Variants in MORF4L1 observed in about 807,000 individuals in gnomAD.
The protein encoded by MORF4L1 is mortality factor 4 like 1.
A neutral mutation model predicts 52.9 loss-of-function variants in MORF4L1; 4 were observed. That is an observed-to-expected ratio of 0.08 (90% CI 0.04 to 0.17). The LOEUF (loss-of-function observed/expected upper bound fraction) is 0.17. MORF4L1 is among the 10% of genes least tolerant of loss of function. The pLI is 1.00. For missense variants in MORF4L1, 214 were observed against 390.4 expected (o/e 0.55, Z 3.81); for synonymous variants, 123 against 134.8 (o/e 0.91, Z 0.61).
chr15:78,888,918 TGTA>T (rs1053814228), intron 5 of MORF4L1, among the ~76,000 whole-genome samples: 21 of 151,310 alleles, frequency 1.4e-4, no homozygotes, highest in African/African-American at 2.2e-4. Flanking sequence ...AAAACTGTAG[TGTA>T]GTATTTCATT....
At chr15:78,891,801 A>G (rs1424183397) in intron 7 of MORF4L1, 5 of 490,602 alleles carry the variant, frequency 1.0e-5, no homozygotes, top group South Asian at 7.1e-5. Context: ...CTTCATGTTC[A>G]CCTACAAGAC....
intron 2 of MORF4L1, among the ~76,000 whole-genome samples, chr15:78,879,650 T>G (rs1596240911): frequency 6.6e-6 from 1 of 152,062 alleles, no homozygotes; most frequent in East Asian, 1.9e-4. Flanking sequence ...AAATTACGAC[T>G]CATGGCCAGG....
rs1178880272 is a variant in MORF4L1, at chr15:78,883,213, A to G, written c.155+2634A>G. On this transcript the variant is annotated intron_variant, in intron 3 of 11. Transcript: ENST00000426013. ...CTAGGCGACAGAGTGAGACTCAGGAAAAAAAAAAAAAAAGCGATTGAACAC... is the reference window on the plus strand; with the variant it reads ...CTAGGCGACAGAGTGAGACTCAGGAGAAAAAAAAAAAAAGCGATTGAACAC... Among the ~76,000 whole-genome samples the G allele has an allele frequency of 6.3e-3, 32 of 5,062 alleles. No homozygotes were observed. The Admixed American group carries it at 0.064, about 10-fold the overall frequency. The allele number at this position is 5,062 out of a possible 152,430, so 3.3% of individuals were successfully genotyped here. A position where few individuals can be genotyped will look rare whatever the true frequency, so the allele number is the denominator to read the frequency against.
In MORF4L1 at chr15:78,879,429, C is replaced by G. The variant is rs567559623; in HGVS notation, c.88-1083C>G. Among the ~76,000 whole-genome samples the G allele has an allele frequency of 3.0e-3, 464 of 152,180 alleles. 1 individual carries two copies. The highest frequency in any genetic ancestry group is 0.014 in the Middle Eastern group (4 of 294). ...TAGAGACGGGGTTTCACCATGTTGA[C>G]CAGGCTGGTCTTGAACTCCTGACCT... On this transcript the variant is annotated intron_variant, in intron 2 of 11. Coordinates refer to ENST00000426013, the MANE Select transcript of MORF4L1 (RefSeq NM_006791.4).
At chr15:78,889,912 T>G (rs1338413453) in intron 5 of MORF4L1, among the ~76,000 whole-genome samples, 1 of 152,034 alleles carries the variant, frequency 6.6e-6, no homozygotes, top group Non-Finnish European at 1.5e-5. Flanking sequence ...TCCTTTGTGG[T>G]CTAGAAATAA....
chr15:78,896,884 G>A, intron 11 of MORF4L1, 99 bp from the exon 12 acceptor site: 1 of 841,366 alleles, frequency 1.2e-6, no homozygotes, highest in Non-Finnish European at 1.9e-6. Context: ...TGTATTTTAG[G>A]AAAGTGTTTT....
rs1190024275 is a variant in MORF4L1, at chr15:78,893,634, A to C, written c.629+7A>C. The C allele has an allele frequency of 6.5e-7, 1 of 1,539,410 alleles. No individual in the cohort carries two copies. Among genetic ancestry groups the C allele is most frequent in the Non-Finnish European group, 8.9e-7 (1 of 1,123,350 alleles). ...GTGGAAACACAGATAATAAGTAAGAATATACATTTTTCAGATGACACTCAA... is the reference window on the plus strand; with the variant it reads ...GTGGAAACACAGATAATAAGTAAGACTATACATTTTTCAGATGACACTCAA... On this transcript the variant is annotated splice_region_variant and intron_variant, in intron 9 of 11. Coordinates refer to ENST00000426013, the MANE Select transcript of MORF4L1 (RefSeq NM_006791.4).
intron 2 of MORF4L1, among the ~76,000 whole-genome samples, chr15:78,880,192 C>T (rs1049661512): frequency 1.3e-5 from 2 of 152,166 alleles, no homozygotes; most frequent in Non-Finnish European, 2.9e-5. Flanking sequence ...GAGGAATTTG[C>T]TTTTGAAATA....
intron 2 of MORF4L1, among the ~76,000 whole-genome samples, chr15:78,879,858 CTAAACTGGCTGATTTT>C (rs1221772142): frequency 1.3e-5 from 2 of 152,078 alleles, no homozygotes; most frequent in Non-Finnish European, 2.9e-5. Flanking sequence ...GCAAACTCTA[CTAAACTGGCTGATTTT>C]TCTCCTGGCA....
At chr15:78,875,830 G>T (rs1267460757) in intron 1 of MORF4L1, among the ~76,000 whole-genome samples, 2 of 152,110 alleles carry the variant, frequency 1.3e-5, no homozygotes, top group Non-Finnish European at 2.9e-5. Context: ...AGAATATCTT[G>T]CAAGGGAAAA....
chr15:78,886,076 A>G (rs2141472897), intron 3 of MORF4L1, 65 bp from the exon 4 acceptor site: 1 of 1,232,046 alleles, frequency 8.1e-7, no homozygotes, highest in South Asian at 1.2e-5. Flanking sequence ...TTGCCTCTTG[A>G]TCTCAGAAAA....
At position 78,897,010 on chromosome 15, in the gene MORF4L1, G is replaced by A. The variant is rs200542527; in HGVS notation, c.915G>A (p.Leu305=). 6.2e-7 allele frequency: 1 copy of A among 1,613,098 alleles called. No individual in the cohort carries two copies. Among genetic ancestry groups the A allele is most frequent in the Non-Finnish European group, 8.5e-7 (1 of 1,179,620 alleles). The part of the protein sequence containing the change: ...LKYLAKNSAT[L]FSASDYEVAP... ...ACCTGGCAAAGAATTCTGCAACTTT[G>A]TTCAGTGCCAGCGATTATGAAGTGG... Residue 305 remains leucine (L), a synonymous_variant, in exon 12 of 12, where the codon TTG becomes TTA. Transcript: ENST00000426013.
chr15:78,893,636 A>G lies in MORF4L1; in HGVS notation c.629+9A>G, dbSNP rs1387720848. The G allele has an allele frequency of 3.9e-6, 6 of 1,536,356 alleles. No individual in the cohort carries two copies. Among genetic ancestry groups the G allele is most frequent in the Non-Finnish European group, 5.4e-6 (6 of 1,120,836 alleles). Reference sequence around the variant, plus strand: ...GGAAACACAGATAATAAGTAAGAATATACATTTTTCAGATGACACTCAAAA... The same window carrying G: ...GGAAACACAGATAATAAGTAAGAATGTACATTTTTCAGATGACACTCAAAA... On this transcript the variant is annotated intron_variant, in intron 9 of 11. Coordinates refer to ENST00000426013, the MANE Select transcript of MORF4L1 (RefSeq NM_006791.4).
chr15:78,884,082 T>G (rs1235428332), intron 3 of MORF4L1, among the ~76,000 whole-genome samples: 1 of 151,770 alleles, frequency 6.6e-6, no homozygotes, highest in Non-Finnish European at 1.5e-5. Flanking sequence ...TTCATGCCTG[T>G]AATCCCAGCT....
intron 11 of MORF4L1, among the ~76,000 whole-genome samples, chr15:78,896,054 C>G (rs985671736): frequency 1.3e-5 from 2 of 152,096 alleles, no homozygotes; most frequent in Non-Finnish European, 2.9e-5. Flanking sequence ...TCACAGCTCA[C>G]TACAACCTCC....
intron 1 of MORF4L1, among the ~76,000 whole-genome samples, chr15:78,874,336 A>T (rs2056436947): frequency 6.6e-6 from 1 of 151,672 alleles, no homozygotes; most frequent in Non-Finnish European, 1.5e-5. Flanking sequence ...AAGTTTATGG[A>T]ATATTTAAGG....
At chr15:78,896,315 T>TTTTTTTTTTTTTTTTTTTTTATTATTTA (rs2056888437) in intron 11 of MORF4L1, among the ~76,000 whole-genome samples, 1 of 137,012 alleles carries the variant, frequency 7.3e-6, no homozygotes, top group Non-Finnish European at 1.5e-5. Flanking sequence ...TTTCTTTTTT[T>TTTTTTTTTTTTTTTTTTTTTATTATTTA]TTTTTTTTTT....
At chr15:78,884,609 A>G (rs1402884091) in intron 3 of MORF4L1, among the ~76,000 whole-genome samples, 1 of 147,922 alleles carries the variant, frequency 6.8e-6, no homozygotes, top group Non-Finnish European at 1.5e-5. Flanking sequence ...ATTGCACTCC[A>G]GCCAGGGCAA....
intron 4 of MORF4L1, 135 bp downstream of exon 4, chr15:78,886,362 C>T: frequency 2.6e-6 from 2 of 762,596 alleles, no homozygotes; most frequent in South Asian, 1.6e-5. Context: ...TGCTGTGTTA[C>T]AGCTTTGACT....
Sources: gnomAD v4.1 joint callset for allele counts (sites outside exome capture counted in the v4.1 genomes callset) on GRCh38, gnomAD v4.1.1 for gene constraint, MANE v1.5 for transcripts, NCBI Gene and HGNC (gene_info 2026-07-23, HGNC 2026-07-21) for gene names.